Variants in TMEM71 observed in about 807,000 individuals in gnomAD.
The protein encoded by TMEM71 is transmembrane protein 71.
Under a neutral mutation model 38.0 loss-of-function variants are expected in TMEM71, and 44 were observed. That is an observed-to-expected ratio of 1.16 (90% confidence interval 0.91 to 1.49). The LOEUF is 1.49. TMEM71 is among the 40% of genes most tolerant of loss of function. The pLI is 0.00. For missense variants in TMEM71, 367 were observed against 348.6 expected (o/e 1.05, Z -0.42); for synonymous variants, 133 against 122.5 (o/e 1.09, Z -0.56).
intron 7 of TMEM71, among the ~76,000 whole-genome samples, chr8:132,718,398 CTT>C (rs36014367): frequency 1.5e-4 from 19 of 128,468 alleles, no homozygotes; most frequent in Admixed American, 3.2e-4. Context: ...GGGATTTTCT[CTT>C]TTTTTTTTTT....
At chr8:132,746,249 A>G (rs1157151379) in intron 5 of TMEM71, among the ~76,000 whole-genome samples, 3 of 150,600 alleles carry the variant, frequency 2.0e-5, no homozygotes, top group Non-Finnish European at 4.4e-5. Context: ...GTATATACAC[A>G]TATTTACCTG....
intron 4 of TMEM71, among the ~76,000 whole-genome samples, chr8:132,747,735 C>T (rs1331343792): frequency 6.6e-6 from 1 of 152,184 alleles, no homozygotes; most frequent in Non-Finnish European, 1.5e-5. Flanking sequence ...TAAGCTGCAT[C>T]AGATGATCTG....
chr8:132,706,970 C>A (rs1291137356), downstream of TMEM71, among the ~76,000 whole-genome samples: 1 of 152,134 alleles, frequency 6.6e-6, no homozygotes, highest in Non-Finnish European at 1.5e-5. Flanking sequence ...AACGATTAAG[C>A]CTCTGTAATC....
downstream of TMEM71, among the ~76,000 whole-genome samples, chr8:132,706,347 TAGAGAGCA>T (rs1270876279): frequency 6.6e-6 from 1 of 152,114 alleles, no homozygotes; most frequent in Non-Finnish European, 1.5e-5. Flanking sequence ...TTTCCCCTAT[TAGAGAGCA>T]AGTTTGTTGA....
intron 5 of TMEM71, among the ~76,000 whole-genome samples, chr8:132,744,667 G>A (rs908532047): frequency 1.3e-5 from 2 of 152,126 alleles, no homozygotes; most frequent in African/African-American, 2.4e-5. Context: ...TTTTCACAGG[G>A]TTGGAAAAAC....
rs544256867 is a variant in TMEM71, at chr8:132,754,836, G to A, written c.101+2398C>T. 1.1e-4 allele frequency among the ~76,000 whole-genome samples: 17 copies of A among 152,282 alleles called. No homozygotes were observed. In the South Asian group the frequency reaches 3.5e-3, roughly 32 times the overall value. ...ATAAAAATATTGAATAGTACAGGTA[G>A]AAATTTGAGACTTTGGAAACATCAA... On this transcript the variant is annotated intron_variant, in intron 3 of 9. Coordinates refer to ENST00000677595, the MANE Select transcript of TMEM71 (RefSeq NM_001382403.1).
intron 6 of TMEM71, among the ~76,000 whole-genome samples, chr8:132,725,633 G>T (rs1399187944): frequency 6.6e-6 from 1 of 152,184 alleles, no homozygotes; most frequent in Non-Finnish European, 1.5e-5. Flanking sequence ...CATGTGAAGG[G>T]CTTAATGGAA....
intron 4 of TMEM71, among the ~76,000 whole-genome samples, 167 bp downstream of exon 4, chr8:132,751,618 A>G (rs1341240834): frequency 6.6e-6 from 1 of 152,194 alleles, no homozygotes; most frequent in African/African-American, 2.4e-5. Flanking sequence ...GAACAAAATT[A>G]ATGGATGGAT....
chr8:132,738,020 A>G (rs1586796126), intron 5 of TMEM71, among the ~76,000 whole-genome samples: 1 of 152,164 alleles, frequency 6.6e-6, no homozygotes, highest in Non-Finnish European at 1.5e-5. Flanking sequence ...GATGATCCTC[A>G]GCTGTTCTTT....
intron 4 of TMEM71, among the ~76,000 whole-genome samples, chr8:132,750,794 T>G: frequency 6.6e-6 from 1 of 152,218 alleles, no homozygotes; most frequent in East Asian, 1.9e-4. Context: ...CTTTCTGATC[T>G]TGGTAAATTG....
intron 5 of TMEM71, among the ~76,000 whole-genome samples, chr8:132,731,246 T>C (rs1827437315): frequency 6.6e-6 from 1 of 152,150 alleles, no homozygotes; most frequent in African/African-American, 2.4e-5. Flanking sequence ...GACATTATAA[T>C]AGATATAGAC....
chr8:132,722,904 A>T (rs931738695), intron 6 of TMEM71, among the ~76,000 whole-genome samples: 4 of 152,218 alleles, frequency 2.6e-5, no homozygotes, highest in Non-Finnish European at 5.9e-5. Flanking sequence ...TAATCACCTT[A>T]AATAAATTAA....
chr8:132,737,825 T>A (rs935759319), intron 5 of TMEM71, among the ~76,000 whole-genome samples: 1 of 152,230 alleles, frequency 6.6e-6, no homozygotes, highest in African/African-American at 2.4e-5. Flanking sequence ...ATAAGTAGAC[T>A]TCTTTATTCC....
intron 5 of TMEM71, among the ~76,000 whole-genome samples, chr8:132,730,676 T>C (rs1185802024): frequency 2.6e-5 from 4 of 152,214 alleles, no homozygotes; most frequent in African/African-American, 7.2e-5. Flanking sequence ...TTTATACCCA[T>C]AGTATGTCCT....
At chr8:132,746,419 A>T (rs1828361994) in intron 5 of TMEM71, among the ~76,000 whole-genome samples, 2 of 36,974 alleles carry the variant, frequency 5.4e-5, no homozygotes, top group Non-Finnish European at 1.4e-4. Context: ...ATACACACAC[A>T]TATATATACA....
intron 5 of TMEM71, among the ~76,000 whole-genome samples, chr8:132,737,787 C>T (rs1190349107): frequency 6.6e-6 from 1 of 152,186 alleles, no homozygotes; most frequent in Non-Finnish European, 1.5e-5. Context: ...TTTCTTACCG[C>T]TCCTTTCTTC....
the TMEM71 span, among the ~76,000 whole-genome samples, chr8:132,768,614 T>C: frequency 6.6e-6 from 1 of 152,150 alleles, no homozygotes; most frequent in African/African-American, 2.4e-5. Flanking sequence ...AAAGGGTGTT[T>C]CTCCTCATTC....
At chr8:132,749,550 T>C (rs562026709) in intron 4 of TMEM71, among the ~76,000 whole-genome samples, 120 of 152,306 alleles carry the variant, frequency 7.9e-4, no homozygotes, top group South Asian at 2.3e-3. Context: ...TCACATTCTT[T>C]CTACTTTTAC....
At chr8:132,739,533 G>C (rs539995115) in intron 5 of TMEM71, among the ~76,000 whole-genome samples, 2 of 151,764 alleles carry the variant, frequency 1.3e-5, no homozygotes, top group Non-Finnish European at 2.9e-5. Flanking sequence ...GGATGGTCTC[G>C]ATCTCCTGAC....
Sources: gnomAD v4.1 joint callset for allele counts (sites outside exome capture counted in the v4.1 genomes callset) on GRCh38, gnomAD v4.1.1 for gene constraint, MANE v1.5 for transcripts, NCBI Gene and HGNC (gene_info 2026-07-23, HGNC 2026-07-21) for gene names.